Variants in CNTNAP2 observed in about 807,000 individuals in gnomAD.
CNTNAP2 encodes contactin-associated protein-like 2.
Under a neutral mutation model 155.2 loss-of-function variants are expected in CNTNAP2, and 98 were observed. The ratio of observed to expected loss-of-function variants is 0.63; its 90% confidence interval spans 0.54 to 0.75. The LOEUF (loss-of-function observed/expected upper bound fraction) is 0.75, where lower values mean the gene tolerates loss of function less well. Among genes scored for constraint, CNTNAP2 ranks in the 30% least tolerant of loss-of-function variants. CNTNAP2 has a pLI of 0.00. For missense variants in CNTNAP2, 1,727 were observed against 1,688.1 expected (o/e 1.02, Z -0.40); for synonymous variants, 651 against 631.2 (o/e 1.03, Z -0.47).
In CNTNAP2 at chr7:147,886,823, A is replaced by C. The variant is rs561521166; in HGVS notation, c.2099-16742A>C. On this transcript the variant is annotated intron_variant, in intron 13 of 23. Transcript: ENST00000361727. ...TGAAAAAGTGTTCATTTCCCCCAAA[A>C]TTAACACTCTCCTACTGACATTTCT... is the stretch of plus-strand genomic sequence containing the variant. Among the ~76,000 whole-genome samples the C allele has an allele frequency of 1.6e-3, 238 of 152,258 alleles. 1 individual carries two copies. Among genetic ancestry groups the C allele is most frequent in the Non-Finnish European group, 2.2e-3 (150 of 68,010 alleles).
chr7:147,740,689 TG>T (rs1796942333), intron 13 of CNTNAP2, among the ~76,000 whole-genome samples: 2 of 152,246 alleles, frequency 1.3e-5, no homozygotes, highest in Admixed American at 1.3e-4. Flanking sequence ...AAATTGTTTT[TG>T]GAAGTAGCAA....
intron 1 of CNTNAP2, among the ~76,000 whole-genome samples, chr7:146,500,389 G>A (rs1797283683): frequency 6.6e-6 from 1 of 152,158 alleles, no homozygotes. Flanking sequence ...TTAGGAGTTT[G>A]TATAGCAGGG....
At chr7:147,932,209 A>G (rs1009191246) in intron 14 of CNTNAP2, among the ~76,000 whole-genome samples, 5 of 152,230 alleles carry the variant, frequency 3.3e-5, no homozygotes, top group African/African-American at 1.2e-4. Context: ...AGAAATAGAA[A>G]AAACAATTCC....
At chr7:148,102,488 C>T (rs115415931) in intron 15 of CNTNAP2, among the ~76,000 whole-genome samples, 2,785 of 152,166 alleles carry the variant, frequency 0.018, 101 homozygotes, top group African/African-American at 0.063. Flanking sequence ...GGATATATAC[C>T]CAGTAATGGG....
chr7:146,429,481 T>A (rs1305508160), intron 1 of CNTNAP2, among the ~76,000 whole-genome samples: 1 of 152,116 alleles, frequency 6.6e-6, no homozygotes, highest in East Asian at 1.9e-4. Context: ...TTACTATTTT[T>A]GTGGCAGTTG....
At chr7:146,601,511 C>T (rs142762108) in intron 1 of CNTNAP2, among the ~76,000 whole-genome samples, 1 of 151,716 alleles carries the variant, frequency 6.6e-6, no homozygotes, top group Non-Finnish European at 1.5e-5. Context: ...TAGGAAGACT[C>T]GATACTATAA....
At chr7:147,045,290 G>C (rs555098869) in intron 4 of CNTNAP2, among the ~76,000 whole-genome samples, 26 of 152,102 alleles carry the variant, frequency 1.7e-4, no homozygotes, top group African/African-American at 6.0e-4. Context: ...GCCCCCGTTG[G>C]ACAAGCTTTC....
intron 1 of CNTNAP2, among the ~76,000 whole-genome samples, chr7:146,568,150 G>A (rs184186990): frequency 5.8e-4 from 89 of 152,188 alleles, no homozygotes; most frequent in African/African-American, 2.1e-3. Context: ...AGACCCAAAT[G>A]TTTTCTTTTG....
chr7:146,380,402 GA>G (rs893093714), intron 1 of CNTNAP2, among the ~76,000 whole-genome samples: 2 of 152,106 alleles, frequency 1.3e-5, no homozygotes, highest in Admixed American at 6.5e-5. Context: ...AACTAGAAGT[GA>G]TTTTTTTTCT....
intron 11 of CNTNAP2, among the ~76,000 whole-genome samples, chr7:147,544,157 AC>A (rs1280152074): frequency 2.6e-5 from 4 of 152,166 alleles, no homozygotes; most frequent in African/African-American, 4.8e-5. Context: ...AAAATCTGAA[AC>A]TTTTGTGTGT....
At chr7:146,624,827 A>G (rs985079165) in intron 1 of CNTNAP2, among the ~76,000 whole-genome samples, 4 of 152,004 alleles carry the variant, frequency 2.6e-5, no homozygotes, top group Non-Finnish European at 5.9e-5. Flanking sequence ...ATTGACATTT[A>G]GAAGTATTGA....
chr7:146,752,516 T>G (rs1404616385), intron 1 of CNTNAP2, among the ~76,000 whole-genome samples: 3 of 152,188 alleles, frequency 2.0e-5, no homozygotes, highest in Non-Finnish European at 4.4e-5. Context: ...TTCTGGATAT[T>G]AGACCTTTGT....
intron 8 of CNTNAP2, among the ~76,000 whole-genome samples, chr7:147,186,596 A>C (rs1336142305): frequency 1.3e-5 from 2 of 152,112 alleles, no homozygotes; most frequent in African/African-American, 4.8e-5. Flanking sequence ...TTCTCATTGG[A>C]GTAGGAGGTG....
Position 146,217,440 on chromosome 7 carries a change from T to C in CNTNAP2, c.97+100467T>C, listed in dbSNP as rs560426706. Among the ~76,000 whole-genome samples the C allele has an allele frequency of 1.6e-4, 25 of 152,182 alleles. No homozygotes were observed. The South Asian group carries it at 5.0e-3, about 30-fold the overall frequency. On this transcript the variant is annotated intron_variant, in intron 1 of 23. Transcript: ENST00000361727. ...ACAGGTAAGTTGCATGTCACAGGGG[T>C]TTGGTATACAGATCATTTCATCACC... is the stretch of plus-strand genomic sequence containing the variant.
chr7:147,965,509 G>A lies in CNTNAP2; in HGVS notation c.2256-12353G>A, dbSNP rs117076865. On this transcript the variant is annotated intron_variant, in intron 14 of 23. Transcript: ENST00000361727. ...ACATTACTAGATCCCTTTGTGTCCCGTCCACCGATGATCTCCATATTGATA... is the reference window on the plus strand; with the variant it reads ...ACATTACTAGATCCCTTTGTGTCCCATCCACCGATGATCTCCATATTGATA... Among the ~76,000 whole-genome samples, 119 of 149,582 alleles carry A rather than the reference G, an allele frequency of 8.0e-4. No homozygotes were observed. In the East Asian group the frequency reaches 0.017, roughly 22 times the overall value.
At chr7:147,757,170 A>G (rs1797223742) in intron 13 of CNTNAP2, among the ~76,000 whole-genome samples, 1 of 152,200 alleles carries the variant, frequency 6.6e-6, no homozygotes, top group Non-Finnish European at 1.5e-5. Flanking sequence ...AGGGACTTGT[A>G]ATGATGGCAG....
intron 9 of CNTNAP2, among the ~76,000 whole-genome samples, chr7:147,347,784 C>T (rs1298924758): frequency 6.6e-6 from 1 of 151,754 alleles, no homozygotes; most frequent in Non-Finnish European, 1.5e-5. Context: ...CAAAATATAC[C>T]ACAAAGCTTT....
At chr7:147,931,766 G>A (rs1474626236) in intron 14 of CNTNAP2, among the ~76,000 whole-genome samples, 1 of 152,070 alleles carries the variant, frequency 6.6e-6, no homozygotes, top group Non-Finnish European at 1.5e-5. Flanking sequence ...GACGTCCCAC[G>A]TTTATGACAG....
intron 3 of CNTNAP2, among the ~76,000 whole-genome samples, chr7:146,905,568 C>T (rs1209778902): frequency 6.6e-6 from 1 of 152,070 alleles, no homozygotes; most frequent in Non-Finnish European, 1.5e-5. Context: ...ATATTTTGAT[C>T]TTCCACAGAG....
Sources: gnomAD v4.1 joint callset for allele counts (sites outside exome capture counted in the v4.1 genomes callset) on GRCh38, gnomAD v4.1.1 for gene constraint, MANE v1.5 for transcripts, NCBI Gene and HGNC (gene_info 2026-07-23, HGNC 2026-07-21) for gene names.